SASH1: variants seen among roughly 807,000 people sequenced by gnomAD.
SASH1 encodes the protein SAM and SH3 domain containing 1.
A neutral mutation model predicts 125.2 loss-of-function variants in SASH1; 44 were observed. The ratio of observed to expected loss-of-function variants is 0.35; its 90% CI spans 0.28 to 0.45. The LOEUF (loss-of-function observed/expected upper bound fraction) is 0.45. Ranked by LOEUF, SASH1 falls within the 20% of genes least tolerant of loss-of-function variation. The pLI is 1.00. For synonymous variants in SASH1, 639 were observed against 649.1 expected, an observed-to-expected ratio of 0.98 and a Z score of 0.24; for missense variants, 1,426 against 1,614.5, an observed-to-expected ratio of 0.88 and a Z score of 2.00.
intron 1 of SASH1, among the ~76,000 whole-genome samples, chr6:148,322,149 G>A (rs1245900531): frequency 4.6e-5 from 7 of 151,964 alleles, no homozygotes; most frequent in African/African-American, 1.7e-4. Context: ...TCAGGAGTTC[G>A]AGACCAGCCT....
chr6:148,258,179 G>A, the SASH1 span, among the ~76,000 whole-genome samples: 9 of 151,994 alleles, frequency 5.9e-5, no homozygotes, highest in African/African-American at 1.9e-4. Flanking sequence ...TTAGGCTCCC[G>A]AGGAATTATA....
intron 1 of SASH1, among the ~76,000 whole-genome samples, chr6:148,368,770 G>GCGCGCGCACACACACACACACACA (rs1554245330): frequency 7.4e-5 from 10 of 135,642 alleles, no homozygotes; most frequent in African/African-American, 2.4e-4. Context: ...GCACGCGCGC[G>GCGCGCGCACACACACACACACACA]CACACACACA....
intron 1 of SASH1, among the ~76,000 whole-genome samples, chr6:148,369,966 CAAAAAA>C (rs562924566): frequency 7.5e-5 from 7 of 93,586 alleles, no homozygotes; most frequent in African/African-American, 1.3e-4. Context: ...AAAAGAAAAA[CAAAAAA>C]AAAAAAAAAA....
rs188127816 is a variant in SASH1, at chr6:148,275,914, T to C, written n.74+3537T>C. On this transcript the variant is annotated intron_variant and non_coding_transcript_variant, in intron 1 of 3. Transcript: ENST00000367469. ...TTTTTTATTATTTGTAGAGACAGGG[T>C]TTCACCATGTTGCCCAGGCTTATCT... 5.3e-5 allele frequency among the ~76,000 whole-genome samples: 8 copies of C among 152,208 alleles called. No homozygotes were observed. The East Asian group carries it at 1.4e-3, about 26-fold the overall frequency.
chr6:148,472,040 T>C (rs1199819928), intron 6 of SASH1, among the ~76,000 whole-genome samples: 1 of 152,220 alleles, frequency 6.6e-6, no homozygotes, highest in African/African-American at 2.4e-5. Flanking sequence ...CTGTGTCTTT[T>C]GTTGTTGTTT....
At chr6:148,366,887 T>A (rs1032740170) in intron 1 of SASH1, among the ~76,000 whole-genome samples, 6 of 151,240 alleles carry the variant, frequency 4.0e-5, no homozygotes, top group African/African-American at 1.2e-4. Context: ...AAGCCAAGGA[T>A]TCCATTTGGA....
chr6:148,532,854 C>G lies in SASH1; in HGVS notation c.1622C>G (p.Ser541Trp), dbSNP rs374834604. The G allele has an allele frequency of 4.3e-6, 7 of 1,614,094 alleles. No homozygotes were observed. The African/African-American group carries it at 9.3e-5, about 22-fold the overall frequency. The change falls in exon 14 of 20, where the codon TCG becomes TGG. Residue 541 changes from serine to tryptophan, a missense_variant. This residue lies in a region of SASH1 where 225 missense variants were observed against 344.5 expected (regional missense o/e 0.65). Coordinates refer to ENST00000367467, the MANE Select transcript of SASH1 (RefSeq NM_015278.5). The surrounding 1 kb of genome is among the most constrained non-coding windows in gnomAD (Gnocchi z 4.7). ...SSTSNRESVK[S>W]EDGDDEEPPY... is the part of the protein sequence containing the mutation. ...ACCAGCAACCGGGAAAGCGTCAAGT[C>G]GGAAGATGGGGATGACGAAGAGCCG...
chr6:148,517,599 A>G (rs996909209), intron 9 of SASH1, among the ~76,000 whole-genome samples: 2 of 152,196 alleles, frequency 1.3e-5, no homozygotes, highest in Non-Finnish European at 2.9e-5. Context: ...AGCCCGCACT[A>G]CAGGAGGCCT....
At chr6:148,539,193 T>TC (rs1782069170) in intron 16 of SASH1, among the ~76,000 whole-genome samples, 1 of 152,150 alleles carries the variant, frequency 6.6e-6, no homozygotes, top group Non-Finnish European at 1.5e-5. Flanking sequence ...CCTTTTTTTT[T>TC]CTTTATTTTA....
chr6:148,516,768 T>TCAGC lies in SASH1; in HGVS notation c.862+2321_862+2324dup, dbSNP rs1276101072. Among the ~76,000 whole-genome samples, 5 of 152,148 alleles carry TCAGC rather than the reference T, an allele frequency of 3.3e-5. No individual in the cohort carries two copies. In the East Asian group the frequency reaches 7.7e-4, roughly 24 times the overall value. On this transcript the variant is annotated intron_variant, in intron 9 of 19. Coordinates refer to ENST00000367467, the MANE Select transcript of SASH1 (RefSeq NM_015278.5). ...CTAAAAGTAATTGACTCCTGGCCAC[T>TCAGC]CAGCCAGCCAGCAGAAGGCCCAGCA... is the stretch of plus-strand genomic sequence containing the variant.
chr6:148,450,881 C>A (rs1777070266), intron 4 of SASH1, among the ~76,000 whole-genome samples: 1 of 152,126 alleles, frequency 6.6e-6, no homozygotes, highest in African/African-American at 2.4e-5. Flanking sequence ...CTTACCAGCT[C>A]TGTAACTCTT....
chr6:148,237,048 T>C, the SASH1 span, among the ~76,000 whole-genome samples: 1 of 152,208 alleles, frequency 6.6e-6, no homozygotes, highest in African/African-American at 2.4e-5. Flanking sequence ...TCTGGAACTG[T>C]GAGAAATACA....
At position 148,287,710 on chromosome 6, in the gene SASH1, G is replaced by A. The variant is rs567755333; in HGVS notation, n.74+15333G>A. Among the ~76,000 whole-genome samples the A allele has an allele frequency of 4.8e-5, 7 of 145,644 alleles. No individual in the cohort carries two copies. The East Asian group carries it at 1.2e-3, about 26-fold the overall frequency. On this transcript the variant is annotated intron_variant and non_coding_transcript_variant, in intron 1 of 3. Transcript: ENST00000367469. Reference sequence around the variant, plus strand: ...GCGTGTGTGTGGGGGGGTGGGGGGTGGTATTCCTCTGTTGTTTGCAACACC... The same window carrying A: ...GCGTGTGTGTGGGGGGGTGGGGGGTAGTATTCCTCTGTTGTTTGCAACACC...
intron 8 of SASH1, among the ~76,000 whole-genome samples, chr6:148,500,584 T>C (rs1013611932): frequency 1.3e-5 from 2 of 152,230 alleles, no homozygotes; most frequent in African/African-American, 4.8e-5. Flanking sequence ...GGTCACACAG[T>C]TTCCTTCCAG....
chr6:148,213,853 C>T, the SASH1 span, among the ~76,000 whole-genome samples: 2 of 152,178 alleles, frequency 1.3e-5, no homozygotes, highest in African/African-American at 4.8e-5. Context: ...GGCATCTTAA[C>T]TGTCTAGTTT....
intron 1 of SASH1, among the ~76,000 whole-genome samples, chr6:148,385,850 G>T (rs1416321770): frequency 6.6e-6 from 1 of 152,122 alleles, no homozygotes; most frequent in Non-Finnish European, 1.5e-5. Context: ...GTATTCATTG[G>T]TATCCTTTGT....
chr6:148,237,387 T>C, the SASH1 span, among the ~76,000 whole-genome samples: 1 of 152,230 alleles, frequency 6.6e-6, no homozygotes, highest in Non-Finnish European at 1.5e-5. Flanking sequence ...TGCCTCAGTA[T>C]ATACTACATT....
chr6:148,287,290 A>G (rs1178600867), intron 1 of SASH1, among the ~76,000 whole-genome samples: 3 of 152,214 alleles, frequency 2.0e-5, no homozygotes, highest in Non-Finnish European at 4.4e-5. Flanking sequence ...CCTCTGGGCC[A>G]ATAGTCCCTA....
chr6:148,329,662 G>A (rs1469699220), intron 1 of SASH1, among the ~76,000 whole-genome samples: 1 of 152,104 alleles, frequency 6.6e-6, no homozygotes, highest in East Asian at 1.9e-4. Flanking sequence ...GTGCATCCGT[G>A]TGTGTCACAA....
Sources: allele counts gnomAD v4.1 joint callset (sites outside exome capture counted in the v4.1 genomes callset), GRCh38; gene constraint gnomAD v4.1.1; regional missense constraint gnomAD v4.1.1; non-coding constraint Gnocchi (gnomAD v3.1); transcripts MANE v1.5; gene names NCBI Gene and HGNC (gene_info 2026-07-23, HGNC 2026-07-21).